Variants in LRRC4C observed in about 807,000 individuals in gnomAD.
LRRC4C encodes leucine rich repeat containing 4C, also known as leucine-rich repeat-containing protein 4C.
In LRRC4C, 5 loss-of-function variants were observed where a neutral mutation model predicts 33.6. The ratio of observed to expected loss-of-function variants is 0.15; its 90% CI spans 0.08 to 0.31. LRRC4C has a LOEUF of 0.31. LRRC4C is among the 10% of genes least tolerant of loss of function. The probability of loss-of-function intolerance (pLI) is 1.00; values close to 1 mark genes in which losing one functional copy is unlikely to be tolerated. For missense variants in LRRC4C, 560 were observed against 796.7 expected, an observed-to-expected ratio of 0.70 and a Z score of 3.58; for synonymous variants, 329 against 302.0, an observed-to-expected ratio of 1.09 and a Z score of -0.93.
At chr11:40,961,763 C>A (rs868674744) in intron 1 of LRRC4C, among the ~76,000 whole-genome samples, 31 of 151,398 alleles carry the variant, frequency 2.0e-4, no homozygotes, top group African/African-American at 7.3e-4. Flanking sequence ...ACAACAAAAT[C>A]AAAAAATCTA....
At chr11:41,231,813 A>T (rs1387089533) in intron 1 of LRRC4C, among the ~76,000 whole-genome samples, 2 of 152,016 alleles carry the variant, frequency 1.3e-5, no homozygotes, top group African/African-American at 4.8e-5. Context: ...AAATATATGT[A>T]GATATACACA....
At chr11:40,132,283 C>T (rs969139454) in intron 6 of LRRC4C, among the ~76,000 whole-genome samples, 3 of 152,138 alleles carry the variant, frequency 2.0e-5, no homozygotes, top group African/African-American at 7.2e-5. Flanking sequence ...AGAGTGAAAA[C>T]CCAGGTCTTG....
intron 2 of LRRC4C, among the ~76,000 whole-genome samples, chr11:40,675,236 G>A (rs1373688230): frequency 6.6e-6 from 1 of 152,164 alleles, no homozygotes; most frequent in Non-Finnish European, 1.5e-5. Flanking sequence ...CAATCAGAAA[G>A]TGTATCTACT....
chr11:40,964,820 A>T (rs11036161), intron 1 of LRRC4C, among the ~76,000 whole-genome samples: 1 of 151,012 alleles, frequency 6.6e-6, no homozygotes, highest in African/African-American at 2.4e-5. Flanking sequence ...GAATAGTGCC[A>T]CAATAAACAT....
rs568859234 is a variant in LRRC4C, at chr11:41,171,138, AC to A, written c.-495-237416del. 7.2e-3 allele frequency among the ~76,000 whole-genome samples: 1,100 copies of A among 152,090 alleles called. 9 individuals carry two copies. The highest frequency in any genetic ancestry group is 0.025 in the African/African-American group (1,028 of 41,496). On this transcript the variant is annotated intron_variant, in intron 1 of 6. Transcript: ENST00000528697. ...GGAGAGGATGTGGAGAAATAGGAAC[AC>A]TTTTACACTGTTGGTGGGACTGTAA...
intron 1 of LRRC4C, among the ~76,000 whole-genome samples, chr11:41,355,990 A>T (rs1405903511): frequency 6.6e-6 from 1 of 152,144 alleles, no homozygotes; most frequent in Non-Finnish European, 1.5e-5. Context: ...AAAAAAGAGG[A>T]TGATAATAAG....
intron 3 of LRRC4C, among the ~76,000 whole-genome samples, chr11:40,565,334 A>T (rs1389976537): frequency 2.0e-5 from 3 of 152,174 alleles, no homozygotes; most frequent in Non-Finnish European, 4.4e-5. Flanking sequence ...AAAAGCTGGT[A>T]TAAGTAATCA....
At chr11:40,680,462 T>A (rs999063033) in intron 2 of LRRC4C, among the ~76,000 whole-genome samples, 2 of 152,288 alleles carry the variant, frequency 1.3e-5, no homozygotes, top group South Asian at 4.1e-4. Context: ...AAATCTAATC[T>A]TGTAGCTCCC....
At chr11:40,662,626 G>T (rs1943501481) in intron 2 of LRRC4C, among the ~76,000 whole-genome samples, 1 of 152,220 alleles carries the variant, frequency 6.6e-6, no homozygotes, top group Non-Finnish European at 1.5e-5. Flanking sequence ...AAAGGGAGGG[G>T]CCCAGGGAAG....
intron 3 of LRRC4C, among the ~76,000 whole-genome samples, chr11:40,508,245 T>C (rs1227461814): frequency 1.3e-5 from 2 of 152,162 alleles, no homozygotes; most frequent in Non-Finnish European, 2.9e-5. Context: ...AGAAATGGAA[T>C]TGAAGGCCAA....
At chr11:40,300,841 G>C (rs1944739717) in intron 4 of LRRC4C, among the ~76,000 whole-genome samples, 1 of 152,170 alleles carries the variant, frequency 6.6e-6, no homozygotes, top group Admixed American at 6.5e-5. Context: ...TAGCTCTGTT[G>C]CTCAGGCTAG....
intron 1 of LRRC4C, among the ~76,000 whole-genome samples, chr11:40,981,568 T>C (rs1852544518): frequency 1.3e-5 from 2 of 152,224 alleles, no homozygotes; most frequent in Admixed American, 1.3e-4. Context: ...AAGGATAGTG[T>C]CCAGACAAAA....
intron 1 of LRRC4C, among the ~76,000 whole-genome samples, chr11:41,212,881 C>A (rs1946880967): frequency 6.6e-6 from 1 of 152,148 alleles, no homozygotes; most frequent in South Asian, 2.1e-4. Context: ...TAGGTTGATT[C>A]CATGTACCTA....
At chr11:40,911,447 G>C (rs1449670615) in intron 2 of LRRC4C, among the ~76,000 whole-genome samples, 1 of 152,136 alleles carries the variant, frequency 6.6e-6, no homozygotes, top group African/African-American at 2.4e-5. Flanking sequence ...GTCTGGAGTG[G>C]ACCTCCGGCA....
chr11:40,417,762 T>G (rs1032916344), intron 3 of LRRC4C, among the ~76,000 whole-genome samples: 1 of 152,176 alleles, frequency 6.6e-6, no homozygotes, highest in Non-Finnish European at 1.5e-5. Flanking sequence ...ACTCTGTGCC[T>G]GGAAGAAGCC....
At chr11:40,370,955 GT>G (rs1204677506) in intron 3 of LRRC4C, among the ~76,000 whole-genome samples, 1 of 152,016 alleles carries the variant, frequency 6.6e-6, no homozygotes, top group Non-Finnish European at 1.5e-5. Context: ...CATTTGTAAA[GT>G]TTTAACGTGA....
intron 1 of LRRC4C, among the ~76,000 whole-genome samples, chr11:41,405,312 A>G (rs780796807): frequency 2.6e-4 from 40 of 152,152 alleles, no homozygotes; most frequent in Non-Finnish European, 5.1e-4. Context: ...ATAAGCAACT[A>G]AAATAAGTAT....
chr11:40,610,131 C>T (rs970071674), intron 3 of LRRC4C, among the ~76,000 whole-genome samples: 1 of 151,790 alleles, frequency 6.6e-6, no homozygotes, highest in African/African-American at 2.4e-5. Flanking sequence ...AAAAATCCCC[C>T]CAAAATACTA....
At chr11:41,319,077 T>G (rs1950878550) in intron 1 of LRRC4C, among the ~76,000 whole-genome samples, 1 of 152,218 alleles carries the variant, frequency 6.6e-6, no homozygotes, top group African/African-American at 2.4e-5. Context: ...ATTTCACATG[T>G]TCTCTGGCAG....
Sources: gnomAD v4.1 joint callset for allele counts (sites outside exome capture counted in the v4.1 genomes callset) on GRCh38, gnomAD v4.1.1 for gene constraint, MANE v1.5 for transcripts, NCBI Gene and HGNC (gene_info 2026-07-23, HGNC 2026-07-21) for gene names.